MARCHF3: variants seen among roughly 807,000 people sequenced by gnomAD.
MARCHF3 encodes E3 ubiquitin-protein ligase MARCHF3.
MARCHF3 carries 13 observed loss-of-function variants against 24.2 expected under a neutral mutation model. The ratio of observed to expected loss-of-function variants is 0.54; its 90% confidence interval spans 0.35 to 0.85. The LOEUF (loss-of-function observed/expected upper bound fraction) is 0.85. Among genes scored for constraint, MARCHF3 ranks in the 40% least tolerant of loss-of-function variants. MARCHF3 has a pLI of 0.01. For missense variants in MARCHF3, 276 were observed against 325.0 expected, an observed-to-expected ratio of 0.85 and a Z score of 1.16; for synonymous variants, 144 against 137.3, an observed-to-expected ratio of 1.05 and a Z score of -0.34.
chr5:126,894,229 C>T (rs1192280693), intron 3 of MARCHF3, among the ~76,000 whole-genome samples: 2 of 137,404 alleles, frequency 1.5e-5, no homozygotes, highest in Non-Finnish European at 1.5e-5. Context: ...ACTGATGGGT[C>T]TTGACTCTTT....
At chr5:126,971,907 T>C (rs1177844871) in intron 1 of MARCHF3, among the ~76,000 whole-genome samples, 2 of 152,200 alleles carry the variant, frequency 1.3e-5, no homozygotes, top group African/African-American at 4.8e-5. Flanking sequence ...TCTTATTTTA[T>C]GGGTACAAAA....
At chr5:126,906,798 T>A (rs1420979676) in intron 3 of MARCHF3, among the ~76,000 whole-genome samples, 1 of 152,186 alleles carries the variant, frequency 6.6e-6, no homozygotes, top group Non-Finnish European at 1.5e-5. Flanking sequence ...TTTGAAAGGT[T>A]TTTTGTGTCT....
intron 1 of MARCHF3, among the ~76,000 whole-genome samples, chr5:126,987,739 A>G (rs1412873900): frequency 6.6e-6 from 1 of 152,184 alleles, no homozygotes; most frequent in Non-Finnish European, 1.5e-5. Flanking sequence ...GGAAGCTGCA[A>G]CAGAGACTGG....
chr5:127,009,349 A>C (rs1469424241), intron 1 of MARCHF3, among the ~76,000 whole-genome samples: 1 of 152,236 alleles, frequency 6.6e-6, no homozygotes, highest in Non-Finnish European at 1.5e-5. Context: ...AAAAACAAGA[A>C]AAAATATCCA....
At chr5:127,018,036 G>A (rs1752682960) in intron 1 of MARCHF3, among the ~76,000 whole-genome samples, 1 of 152,142 alleles carries the variant, frequency 6.6e-6, no homozygotes. Context: ...TATTCTAGTA[G>A]GGGAGGCAGA....
In MARCHF3 at chr5:126,878,180, C is replaced by T; in HGVS notation, c.603+5G>A. On this transcript the variant is annotated splice_donor_5th_base_variant and intron_variant, in intron 4 of 4. Coordinates refer to ENST00000308660, the MANE Select transcript of MARCHF3 (RefSeq NM_178450.5). ...GCCTGAACCCCAGCCACGGCCCATA[C>T]TTACTAGTGTCCAAAAGAGGTAAAT... 6.2e-7 allele frequency: 1 copy of T among 1,614,006 alleles called. No individual in the cohort carries two copies. Among genetic ancestry groups the T allele is most frequent in the South Asian group, 1.1e-5 (1 of 91,062 alleles).
chr5:127,010,253 A>G (rs1255283696), intron 1 of MARCHF3, among the ~76,000 whole-genome samples: 1 of 152,238 alleles, frequency 6.6e-6, no homozygotes, highest in Non-Finnish European at 1.5e-5. Flanking sequence ...CAAGGCACAT[A>G]AAGGTTTAGA....
At chr5:126,939,267 C>T (rs889201544) in intron 1 of MARCHF3, among the ~76,000 whole-genome samples, 1 of 152,200 alleles carries the variant, frequency 6.6e-6, no homozygotes, top group African/African-American at 2.4e-5. Flanking sequence ...CTCAACATCT[C>T]ACCTACATAA....
At chr5:126,958,148 GA>G (rs1176324521) in intron 1 of MARCHF3, among the ~76,000 whole-genome samples, 2 of 152,088 alleles carry the variant, frequency 1.3e-5, no homozygotes, top group Admixed American at 6.5e-5. Flanking sequence ...TAGGTAAACA[GA>G]AATATAACAT....
At chr5:127,011,999 C>T (rs1042995024) in intron 1 of MARCHF3, among the ~76,000 whole-genome samples, 1 of 152,172 alleles carries the variant, frequency 6.6e-6, no homozygotes, top group Non-Finnish European at 1.5e-5. Flanking sequence ...TAGTTCAGCC[C>T]TGTTGAGTCC....
At chr5:126,946,444 TAA>T (rs1750013959) in intron 1 of MARCHF3, 1 of 151,362 alleles carries the variant, frequency 6.6e-6, no homozygotes, top group African/African-American at 2.4e-5. Flanking sequence ...GTTGCAAAGT[TAA>T]GTTTTGTGTT....
At chr5:126,981,648 T>C (rs1022271478) in intron 1 of MARCHF3, among the ~76,000 whole-genome samples, 5 of 152,246 alleles carry the variant, frequency 3.3e-5, no homozygotes, top group Non-Finnish European at 2.9e-5. Flanking sequence ...ATGTTTAGTT[T>C]GAAGAGAGAT....
intron 1 of MARCHF3, among the ~76,000 whole-genome samples, chr5:126,971,918 C>T (rs4836307): frequency 0.55 from 84,259 of 151,992 alleles, 24,148 homozygotes; most frequent in East Asian, 0.79. Flanking sequence ...GGGTACAAAA[C>T]AGTTGATCTC....
At chr5:126,958,341 T>C (rs930726182) in intron 1 of MARCHF3, among the ~76,000 whole-genome samples, 1 of 152,166 alleles carries the variant, frequency 6.6e-6, no homozygotes, top group African/African-American at 2.4e-5. Context: ...GTCCTCTATA[T>C]TGTTTCTCTG....
At chr5:126,893,265 AG>A (rs1194134543) in intron 3 of MARCHF3, among the ~76,000 whole-genome samples, 1 of 151,596 alleles carries the variant, frequency 6.6e-6, no homozygotes, top group Non-Finnish European at 1.5e-5. Context: ...AATTTTTTGA[AG>A]GGTTTTTTGT....
intron 1 of MARCHF3, among the ~76,000 whole-genome samples, chr5:126,932,652 G>T (rs1749516535): frequency 6.6e-6 from 1 of 152,196 alleles, no homozygotes; most frequent in South Asian, 2.1e-4. Context: ...AGTATGCAGA[G>T]AATATTATCT....
rs80322249 is a variant in MARCHF3, at chr5:126,924,243, A to G, written c.-56-6016T>C. ...TGCTCCCACAGAGTTCTGCGTCATT[A>G]ATGCTGGTCCAGGATCCATAAGTCT... On this transcript the variant is annotated intron_variant, in intron 1 of 4. Coordinates refer to ENST00000308660, the MANE Select transcript of MARCHF3 (RefSeq NM_178450.5). Among the ~76,000 whole-genome samples the G allele has an allele frequency of 7.8e-3, 1,195 of 152,290 alleles. 10 individuals are homozygous for G. Among genetic ancestry groups the G allele is most frequent in the African/African-American group, 0.028 (1,144 of 41,566 alleles).
chr5:126,966,553 TTAAAA>T (rs1485865305), intron 1 of MARCHF3, among the ~76,000 whole-genome samples: 15 of 152,198 alleles, frequency 9.9e-5, no homozygotes, highest in African/African-American at 3.4e-4. Context: ...TTAGAAGACT[TTAAAA>T]TAAAGCTATT....
At chr5:126,925,781 G>C (rs1188486981) in intron 1 of MARCHF3, among the ~76,000 whole-genome samples, 1 of 152,162 alleles carries the variant, frequency 6.6e-6, no homozygotes, top group African/African-American at 2.4e-5. Context: ...CAAAAATTGA[G>C]AGGAGCAGGC....
Sources: allele counts gnomAD v4.1 joint callset (sites outside exome capture counted in the v4.1 genomes callset), GRCh38; gene constraint gnomAD v4.1.1; transcripts MANE v1.5; gene names NCBI Gene and HGNC (gene_info 2026-07-23, HGNC 2026-07-21).